PLEKHA5: variants seen among roughly 807,000 people sequenced by gnomAD.
PLEKHA5 encodes pleckstrin homology domain containing A5.
PLEKHA5 carries 55 observed loss-of-function variants against 181.9 expected under a neutral mutation model. The ratio of observed to expected loss-of-function variants is 0.30; its 90% CI spans 0.24 to 0.38. The LOEUF (loss-of-function observed/expected upper bound fraction) is 0.38. Among genes scored for constraint, PLEKHA5 ranks in the 10% least tolerant of loss-of-function variants. PLEKHA5 has a pLI of 1.00. For synonymous variants in PLEKHA5, 535 were observed against 529.4 expected, an observed-to-expected ratio of 1.01 and a Z score of -0.15; for missense variants, 1,432 against 1,549.5, an observed-to-expected ratio of 0.92 and a Z score of 1.27.
chr12:19,157,630 A>G (rs2042057526), intron 3 of PLEKHA5, among the ~76,000 whole-genome samples: 1 of 152,124 alleles, frequency 6.6e-6, no homozygotes, highest in Non-Finnish European at 1.5e-5. Context: ...TGCATATGTC[A>G]TTTATTGCAT....
At chr12:19,189,314 G>C (rs116668217) in intron 3 of PLEKHA5, among the ~76,000 whole-genome samples, 2 of 152,182 alleles carry the variant, frequency 1.3e-5, no homozygotes, top group South Asian at 4.1e-4. Flanking sequence ...AAGCTATTGC[G>C]TTTGTCTAAA....
chr12:19,244,673 C>G (rs1164089009), intron 3 of PLEKHA5, among the ~76,000 whole-genome samples: 1 of 152,132 alleles, frequency 6.6e-6, no homozygotes, highest in East Asian at 1.9e-4. Flanking sequence ...TAAATGGGTA[C>G]ACATGTGAGT....
chr12:19,153,361 A>G (rs2040904956), intron 3 of PLEKHA5: 2 of 152,202 alleles, frequency 1.3e-5, no homozygotes, highest in African/African-American at 4.8e-5. Context: ...TGTTAATGCT[A>G]AACCATTAAT....
chr12:19,191,066 A>G (rs2051002173), intron 3 of PLEKHA5, among the ~76,000 whole-genome samples: 1 of 152,198 alleles, frequency 6.6e-6, no homozygotes, highest in African/African-American at 2.4e-5. Flanking sequence ...TAAGAAATAA[A>G]TATTATTGGA....
chr12:19,201,144 A>G (rs944504676), intron 3 of PLEKHA5: 15 of 152,110 alleles, frequency 9.9e-5, no homozygotes, highest in Non-Finnish European at 1.3e-4. Context: ...AACTTTTACA[A>G]CTCAATAATA....
At chr12:19,260,870 AAAAT>A (rs1030141404) in intron 6 of PLEKHA5, 75 bp from the exon 7 acceptor site, 73 of 895,840 alleles carry the variant, frequency 8.1e-5, no homozygotes, top group South Asian at 1.7e-4. Flanking sequence ...CAAAAAAATA[AAAAT>A]AAATAAATAA....
intron 24 of PLEKHA5, among the ~76,000 whole-genome samples, chr12:19,347,709 A>G (rs1423317084): frequency 6.6e-6 from 1 of 152,148 alleles, no homozygotes; most frequent in Non-Finnish European, 1.5e-5. Context: ...GGAAATTAGA[A>G]TTGAGCTAAT....
In PLEKHA5 at chr12:19,283,516, T is replaced by A; in HGVS notation, c.1550T>A (p.Phe517Tyr). 1 of 1,614,126 alleles carries A rather than the reference T, an allele frequency of 6.2e-7. No individual in the cohort carries two copies. Among genetic ancestry groups the A allele is most frequent in the Non-Finnish European group, 8.5e-7 (1 of 1,180,024 alleles). The change falls in exon 12 of 32, where the codon TTT becomes TAT. Residue 517 changes from phenylalanine to tyrosine, a missense_variant. Phe to Tyr is a conservative substitution (Grantham distance 22, BLOSUM62 3). Transcript: ENST00000429027. ...CTCTACGAATGGCAGCAGCGTCAGTTTTATAACAAACAGAGCACCCTCCCT... is the reference window on the plus strand; with the variant it reads ...CTCTACGAATGGCAGCAGCGTCAGTATTATAACAAACAGAGCACCCTCCCT... ...WQLYEWQQRQ[F>Y]YNKQSTLPRH... is the part of the protein sequence containing the mutation.
In PLEKHA5 at chr12:19,137,413, A is replaced by G. The variant is rs576017788; in HGVS notation, c.227+4963A>G. Among the ~76,000 whole-genome samples, 315 of 152,306 alleles carry G rather than the reference A, an allele frequency of 2.1e-3. 1 individual carries two copies. The highest frequency in any genetic ancestry group is 6.4e-3 in the Admixed American group (98 of 15,304). ...TTCTTTAGAACACTTTGTGGGCATT[A>G]TATTTCTTTTCCATATTTATAACAA... is the stretch of plus-strand genomic sequence containing the variant. On this transcript the variant is annotated intron_variant, in intron 3 of 31. Coordinates refer to ENST00000429027, the MANE Select transcript of PLEKHA5 (RefSeq NM_001256470.2).
chr12:19,196,679 T>G (rs947973270), intron 3 of PLEKHA5, among the ~76,000 whole-genome samples: 26 of 152,198 alleles, frequency 1.7e-4, no homozygotes. Flanking sequence ...ACAATATTCC[T>G]GTACAAACAA....
intron 3 of PLEKHA5, among the ~76,000 whole-genome samples, chr12:19,197,010 G>A (rs2052956541): frequency 6.6e-6 from 1 of 151,968 alleles, no homozygotes; most frequent in African/African-American, 2.4e-5. Flanking sequence ...ATTACCTTTA[G>A]AAGTGAATAT....
intron 20 of PLEKHA5, among the ~76,000 whole-genome samples, chr12:19,328,071 C>G (rs2092423835): frequency 1.3e-5 from 2 of 152,168 alleles, no homozygotes; most frequent in South Asian, 4.1e-4. Context: ...TATTCCAGCA[C>G]CATTTATTGA....
At chr12:19,241,852 A>G (rs2062682621) in intron 3 of PLEKHA5, among the ~76,000 whole-genome samples, 1 of 152,166 alleles carries the variant, frequency 6.6e-6, no homozygotes, top group Admixed American at 6.5e-5. Flanking sequence ...GCGCCTGCAC[A>G]GTGGCTGAGA....
chr12:19,271,754 A>G (rs1040931041), intron 10 of PLEKHA5, among the ~76,000 whole-genome samples: 10 of 152,180 alleles, frequency 6.6e-5, no homozygotes, highest in African/African-American at 2.2e-4. Flanking sequence ...GCTTTTGGCA[A>G]CCTGATAGTT....
intron 15 of PLEKHA5, among the ~76,000 whole-genome samples, chr12:19,292,678 C>T (rs1383286471): frequency 6.6e-6 from 1 of 151,810 alleles, no homozygotes; most frequent in Non-Finnish European, 1.5e-5. Flanking sequence ...GTGGCTCCCG[C>T]CTGTAATCCC....
chr12:19,159,236 C>T (rs1052485623), intron 3 of PLEKHA5, among the ~76,000 whole-genome samples: 24 of 152,162 alleles, frequency 1.6e-4, no homozygotes, highest in African/African-American at 5.8e-4. Context: ...TAGAAGCAAA[C>T]AGCTGTGCAT....
intron 3 of PLEKHA5, among the ~76,000 whole-genome samples, chr12:19,231,604 A>ATATT (rs144942773): frequency 1.3e-5 from 1 of 78,136 alleles, no homozygotes; most frequent in African/African-American, 3.4e-5. Context: ...GTACACATAT[A>ATATT]TATATATAAA....
At chr12:19,247,314 T>C (rs2063998722) in intron 3 of PLEKHA5, among the ~76,000 whole-genome samples, 1 of 152,236 alleles carries the variant, frequency 6.6e-6, no homozygotes, top group African/African-American at 2.4e-5. Flanking sequence ...TGCTTTAGCT[T>C]TCTCTTTTTA....
At chr12:19,255,913 T>G (rs962829943) in intron 5 of PLEKHA5, among the ~76,000 whole-genome samples, 6 of 140,284 alleles carry the variant, frequency 4.3e-5, no homozygotes, top group African/African-American at 1.3e-4. Flanking sequence ...AAGCTCAGAA[T>G]GCAGATGGGC....
Sources: allele counts gnomAD v4.1 joint callset (sites outside exome capture counted in the v4.1 genomes callset), GRCh38; gene constraint gnomAD v4.1.1; transcripts MANE v1.5; gene names NCBI Gene and HGNC (gene_info 2026-07-23, HGNC 2026-07-21).